CD5: variants seen among roughly 807,000 people sequenced by gnomAD.
CD5 encodes CD5 molecule.
Under a neutral mutation model 60.3 loss-of-function variants are expected in CD5, and 36 were observed. The observed-to-expected ratio is 0.60, with a 90% CI of 0.46 to 0.79. The LOEUF (loss-of-function observed/expected upper bound fraction) is 0.79. CD5 is among the 30% of genes least tolerant of loss of function. The pLI is 0.00. For synonymous variants in CD5, 230 were observed against 257.6 expected (o/e 0.89, Z 1.03); for missense variants, 540 against 630.6 (o/e 0.86, Z 1.54).
intron 1 of CD5, among the ~76,000 whole-genome samples, chr11:61,107,734 T>C (rs1372824525): frequency 6.6e-6 from 1 of 152,162 alleles, no homozygotes; most frequent in Non-Finnish European, 1.5e-5. Context: ...ATCACCATCA[T>C]GTACCTTTCA....
rs562530374 is a variant in CD5, at chr11:61,119,782, A to G, written c.805+207A>G. On this transcript the variant is annotated intron_variant, in intron 5 of 10. Transcript: ENST00000347785. ...CACTCAATGCCTTGGTAATCTCTGC[A>G]AAGCTACACACCCCAAGCCCAAAGG... 1.3e-3 allele frequency among the ~76,000 whole-genome samples: 199 copies of G among 152,290 alleles called. 4 individuals carry two copies. The highest frequency in any genetic ancestry group is 0.013 in the Admixed American group (196 of 15,306).
rs767242481 is a variant in CD5 at position 61,125,038 on chromosome 11, T to C, written c.1286T>C (p.Phe429Ser). Residue 429 changes from phenylalanine (F) to serine (S), a missense_variant, in exon 9 of 11, where the codon TTC becomes TCC. Coordinates refer to ENST00000347785, the MANE Select transcript of CD5 (RefSeq NM_014207.4). ...TCTCCTACCATCTGCCCAGTGTCTT[T>C]CCATCGCAACCACACGGCAACCGTC... is the stretch of plus-strand genomic sequence containing the variant. ...GPTGMNQNMS[F>S]HRNHTATVRS... 3 of 1,613,852 alleles carry C rather than the reference T, an allele frequency of 1.9e-6. No individual in the cohort carries two copies. The Admixed American group carries it at 5.0e-5, about 27-fold the overall frequency.
intron 1 of CD5, among the ~76,000 whole-genome samples, chr11:61,105,454 G>A (rs1860764456): frequency 6.6e-6 from 1 of 152,174 alleles, no homozygotes; most frequent in South Asian, 2.1e-4. Context: ...GGCTTATAAG[G>A]ATTCAATGAA....
intron 1 of CD5, among the ~76,000 whole-genome samples, chr11:61,109,356 G>A (rs1860819408): frequency 6.6e-6 from 1 of 152,142 alleles, no homozygotes; most frequent in African/African-American, 2.4e-5. Flanking sequence ...CACACATGGC[G>A]ACCGTAAGGT....
chr11:61,119,064 G>A, intron 4 of CD5, 87 bp downstream of exon 4: 3 of 1,300,566 alleles, frequency 2.3e-6, no homozygotes, highest in Non-Finnish European at 3.3e-6. Context: ...TTCTGACAAA[G>A]GTGGAAATGT....
chr11:61,124,443 T>C (rs943918207), intron 8 of CD5, among the ~76,000 whole-genome samples: 1 of 152,204 alleles, frequency 6.6e-6, no homozygotes, highest in African/African-American at 2.4e-5. Context: ...TCCAAGTTAT[T>C]TTCATCATGG....
At chr11:61,095,859 A>G in the CD5 span, among the ~76,000 whole-genome samples, 1 of 152,258 alleles carries the variant, frequency 6.6e-6, no homozygotes, top group Non-Finnish European at 1.5e-5. Context: ...TGATCCAGAT[A>G]GCCCTGAGAA....
At chr11:61,121,389 AG>A (rs1171016133) in intron 5 of CD5, among the ~76,000 whole-genome samples, 5 of 152,368 alleles carry the variant, frequency 3.3e-5, no homozygotes, top group South Asian at 2.1e-4. Flanking sequence ...TGGTGCTGGC[AG>A]CTGCCCAGAG....
At chr11:61,105,639 T>C (rs947243518) in intron 1 of CD5, among the ~76,000 whole-genome samples, 2 of 152,186 alleles carry the variant, frequency 1.3e-5, no homozygotes, top group Non-Finnish European at 2.9e-5. Flanking sequence ...GCCGTCAATC[T>C]CTCTACCCCT....
Position 61,118,606 on chromosome 11 carries a change from C to G in CD5, c.400+126C>G. 1.1e-6 allele frequency: 1 copy of G among 933,184 alleles called. No homozygotes were observed. The highest frequency in any genetic ancestry group is 1.6e-5 in the South Asian group (1 of 63,228). 57.8% of individuals were successfully genotyped at this position (933,184 alleles called of 1,614,324 possible). ...GGGGTGGGGGGACCCCAGTTTATAA[C>G]CACTCCCCAAGACACATACCCAGGA... On this transcript the variant is annotated intron_variant, in intron 3 of 10. Transcript: ENST00000347785. The surrounding 1 kb of genome is among the most constrained non-coding windows in gnomAD (Gnocchi z 4.7).
At chr11:61,095,886 A>G in the CD5 span, among the ~76,000 whole-genome samples, 1 of 152,270 alleles carries the variant, frequency 6.6e-6, no homozygotes, top group African/African-American at 2.4e-5. Context: ...CATGATTAAC[A>G]TGGCCTTACT....
chr11:61,102,456 G>T, upstream of CD5: 2 of 535,236 alleles, frequency 3.7e-6, no homozygotes, highest in Non-Finnish European at 6.6e-6. Context: ...CCCTCCCTGA[G>T]CACGCCACCC....
intron 9 of CD5, 26 bp from the exon 10 acceptor site, chr11:61,125,725 G>T: frequency 6.4e-7 from 1 of 1,572,926 alleles, no homozygotes; most frequent in Non-Finnish European, 8.7e-7. Flanking sequence ...AAAACCCTCT[G>T]CAAACAGCGT....
At position 61,126,766 on chromosome 11, in the gene CD5, T is replaced by A. The variant is rs1460955146; in HGVS notation, c.*481T>A. The A allele has an allele frequency of 6.6e-6, 1 of 152,278 alleles. No individual in the cohort carries two copies. The highest frequency in any genetic ancestry group is 1.5e-5 in the Non-Finnish European group (1 of 68,076). The allele number at this position is 152,278 out of a possible 1,614,324, so 9.4% of individuals were successfully genotyped here. ...TGCAGCATCCACCCCTGCGGATCCC[T>A]CTGGGGAGGACAGGAAGGGGACTCC... On this transcript the variant is annotated 3_prime_UTR_variant, in exon 11 of 11. Coordinates refer to ENST00000347785, the MANE Select transcript of CD5 (RefSeq NM_014207.4).
chr11:61,097,468 G>A, the CD5 span, among the ~76,000 whole-genome samples: 13 of 152,186 alleles, frequency 8.5e-5, no homozygotes, highest in African/African-American at 3.1e-4. Context: ...CACATAGAGA[G>A]GAATCCATTT....
intron 1 of CD5, among the ~76,000 whole-genome samples, chr11:61,109,319 C>A (rs1860818382): frequency 6.6e-6 from 1 of 152,178 alleles, no homozygotes; most frequent in Non-Finnish European, 1.5e-5. Context: ...GCAGACACTG[C>A]CATGTGTTTG....
chr11:61,099,203 A>C (rs946760956), upstream of CD5, among the ~76,000 whole-genome samples: 1 of 152,238 alleles, frequency 6.6e-6, no homozygotes, highest in Non-Finnish European at 1.5e-5. Context: ...ATCAACATGG[A>C]GATCACACAC....
At chr11:61,107,437 T>G (rs999278553) in intron 1 of CD5, among the ~76,000 whole-genome samples, 1 of 152,136 alleles carries the variant, frequency 6.6e-6, no homozygotes, top group African/African-American at 2.4e-5. Flanking sequence ...CCAGATGCAT[T>G]TGGAACTCCA....
rs1285159351 is a variant in CD5, at chr11:61,125,765, C to T, written c.1414C>T (p.Leu472=). The T allele has an allele frequency of 1.9e-6, 3 of 1,611,808 alleles. No individual in the cohort carries two copies. The highest frequency in any genetic ancestry group is 1.7e-6 in the Non-Finnish European group (2 of 1,178,482). Residue 472 remains leucine (L), a synonymous_variant, in exon 10 of 11, where the codon CTG becomes TTG. Transcript: ENST00000347785. ...LSAYPALEGA[L]HRSSMQPDNS... ...TCTTTCCCCAGCTCTGGAAGGGGCT[C>T]TGCATCGCTCCTCCATGCAGCCTGA... is the stretch of plus-strand genomic sequence containing the variant.
Sources: allele counts gnomAD v4.1 joint callset (sites outside exome capture counted in the v4.1 genomes callset), GRCh38; gene constraint gnomAD v4.1.1; non-coding constraint Gnocchi (gnomAD v3.1); transcripts MANE v1.5; gene names NCBI Gene and HGNC (gene_info 2026-07-23, HGNC 2026-07-21).